JMJD1C: variants seen among roughly 807,000 people sequenced by gnomAD.
The protein encoded by JMJD1C is jumonji domain-containing protein 1C.
A neutral mutation model predicts 245.3 loss-of-function variants in JMJD1C; 31 were observed. That is an observed-to-expected ratio of 0.13 (90% confidence interval 0.09 to 0.17). The LOEUF (loss-of-function observed/expected upper bound fraction) is 0.17, where lower values mean the gene tolerates loss of function less well. JMJD1C is among the 10% of genes least tolerant of loss of function. JMJD1C has a pLI of 1.00. For missense variants in JMJD1C, 2,691 were observed against 3,000.2 expected (o/e 0.90, Z 2.41); for synonymous variants, 1,057 against 1,017.4 (o/e 1.04, Z -0.74).
intron 2 of JMJD1C, among the ~76,000 whole-genome samples, chr10:63,265,107 G>A (rs529292830): frequency 6.6e-6 from 1 of 151,148 alleles, no homozygotes; most frequent in Admixed American, 6.6e-5. Flanking sequence ...GGGTTGTAGA[G>A]CTATTTACCC....
In JMJD1C at chr10:63,176,366, T is replaced by A; in HGVS notation, c.7332A>T (p.Gly2444=). ...ACTGAATAAGAGTACAGGTTCTGAC[T>A]CCATATTCTTCAAGCAGCCTTTGAC... ...KLRQRLLEEY[G]VRTCTLIQFL... The change falls in exon 24 of 26, where the codon GGA becomes GGT. Residue 2444 remains glycine (G), a synonymous_variant. Coordinates refer to ENST00000399262, the MANE Select transcript of JMJD1C (RefSeq NM_032776.3). 2 of 1,614,026 alleles carry A rather than the reference T, an allele frequency of 1.2e-6. No homozygotes were observed. The highest frequency in any genetic ancestry group is 1.7e-6 in the Non-Finnish European group (2 of 1,179,922).
At chr10:63,315,861 G>GA (rs1052826982) in intron 2 of JMJD1C, among the ~76,000 whole-genome samples, 92 of 131,752 alleles carry the variant, frequency 7.0e-4, no homozygotes, top group Middle Eastern at 8.9e-3. Context: ...AAAACACCAC[G>GA]AAAAAAAAAA....
chr10:63,384,832 C>G (rs183660652), intron 1 of JMJD1C, among the ~76,000 whole-genome samples: 5 of 152,264 alleles, frequency 3.3e-5, no homozygotes, highest in Non-Finnish European at 5.9e-5. Context: ...TCTTATCATC[C>G]CTGTGTTTAC....
At chr10:63,335,835 C>T (rs1255555418) in intron 2 of JMJD1C, among the ~76,000 whole-genome samples, 3 of 151,486 alleles carry the variant, frequency 2.0e-5, no homozygotes, top group African/African-American at 7.3e-5. Context: ...AAAAAAAACA[C>T]TTTGGCTGGG....
At chr10:63,371,374 A>T (rs1430184286) in intron 2 of JMJD1C, among the ~76,000 whole-genome samples, 1 of 152,228 alleles carries the variant, frequency 6.6e-6, no homozygotes, top group Non-Finnish European at 1.5e-5. Context: ...ATGTACAATT[A>T]TCACTTTTAA....
intron 10 of JMJD1C, among the ~76,000 whole-genome samples, chr10:63,201,012 A>G (rs1019844321): frequency 2.0e-5 from 3 of 152,230 alleles, no homozygotes; most frequent in African/African-American, 7.2e-5. Context: ...GTGTATATCA[A>G]TAACTGAAAA....
In JMJD1C at chr10:63,198,558, A is replaced by G. The variant is rs1241280271; in HGVS notation, c.5446T>C (p.Leu1816=). 1 of 1,610,304 alleles carries G rather than the reference A, an allele frequency of 6.2e-7. No homozygotes were observed. The highest frequency in any genetic ancestry group is 8.5e-7 in the Non-Finnish European group (1 of 1,177,662). ...AAAGCTGTTTTTTCAGATGTTACTA[A>G]TTGACAGAACTTATCACCTATTATA... ...LDIIGDKFCQ[L]VTSEKTALSW... is the part of the protein sequence containing the mutation. The change falls in exon 12 of 26, where the codon TTA becomes CTA. Residue 1816 remains leucine (L), a synonymous_variant. Coordinates refer to ENST00000399262, the MANE Select transcript of JMJD1C (RefSeq NM_032776.3).
intron 2 of JMJD1C, among the ~76,000 whole-genome samples, chr10:63,275,049 A>T (rs975455472): frequency 5.3e-5 from 8 of 152,222 alleles, no homozygotes; most frequent in South Asian, 2.1e-4. Flanking sequence ...AGGTATTTTT[A>T]AAAAAGAAAT....
chr10:63,470,695 T>C (rs1320795010), upstream of JMJD1C, among the ~76,000 whole-genome samples: 1 of 152,120 alleles, frequency 6.6e-6, no homozygotes, highest in African/African-American at 2.4e-5. Flanking sequence ...AAACATAACT[T>C]TCTGACTATC....
At chr10:63,494,516 TA>T (rs913111744) in intron 1 of JMJD1C, among the ~76,000 whole-genome samples, 48 of 151,832 alleles carry the variant, frequency 3.2e-4, no homozygotes, top group South Asian at 2.1e-4. Flanking sequence ...AATAAATAAG[TA>T]AAAAAAATAT....
chr10:63,519,004 G>T (rs72837076), intron 1 of JMJD1C, among the ~76,000 whole-genome samples: 30,807 of 152,112 alleles, frequency 0.2, 4,090 homozygotes, highest in Non-Finnish European at 0.3. Flanking sequence ...ACTTTCCATG[G>T]TACCAAAAGG....
chr10:63,411,928 T>TA (rs1264458594), intron 1 of JMJD1C, among the ~76,000 whole-genome samples: 2 of 129,032 alleles, frequency 1.6e-5, no homozygotes, highest in Admixed American at 7.7e-5. Flanking sequence ...TTTTTTTTTT[T>TA]AAATAGAGAC....
At chr10:63,387,402 A>C (rs1460843633) in intron 1 of JMJD1C, among the ~76,000 whole-genome samples, 3 of 152,084 alleles carry the variant, frequency 2.0e-5, no homozygotes, top group African/African-American at 7.2e-5. Context: ...ACACTGAGAC[A>C]CAAAGAAAAT....
chr10:63,422,492 T>C (rs764963376), intron 1 of JMJD1C, among the ~76,000 whole-genome samples: 17 of 152,232 alleles, frequency 1.1e-4, no homozygotes, highest in Non-Finnish European at 1.8e-4. Context: ...TTCACACTTC[T>C]GCTTACAAGA....
At chr10:63,204,456 T>A (rs1846369264) in intron 10 of JMJD1C, 4 of 985,236 alleles carry the variant, frequency 4.1e-6, no homozygotes, top group Non-Finnish European at 4.8e-6. Context: ...TTCACAAGAG[T>A]TTTCTAGGCA....
intron 1 of JMJD1C, among the ~76,000 whole-genome samples, chr10:63,514,398 G>T (rs2133294414): frequency 6.6e-6 from 1 of 152,234 alleles, no homozygotes; most frequent in East Asian, 1.9e-4. Context: ...AACAGGATTG[G>T]ATAAAGAAAA....
intron 22 of JMJD1C, among the ~76,000 whole-genome samples, chr10:63,181,432 T>C (rs1843462837): frequency 6.6e-6 from 1 of 152,206 alleles, no homozygotes; most frequent in African/African-American, 2.4e-5. Context: ...TGAGTTACAA[T>C]TGAAAGAATG....
chr10:63,335,327 C>T (rs1262057888), intron 2 of JMJD1C, among the ~76,000 whole-genome samples: 1 of 151,900 alleles, frequency 6.6e-6, no homozygotes, highest in South Asian at 2.1e-4. Context: ...GGCATGGGGG[C>T]AAAGCAATGC....
At chr10:63,204,299 GA>G (rs1846353218) in intron 10 of JMJD1C, 1 of 985,238 alleles carries the variant, frequency 1.0e-6, no homozygotes, top group African/African-American at 1.7e-5. Flanking sequence ...CCAAGCAGGG[GA>G]GATTTGACTA....
Sources: allele counts gnomAD v4.1 joint callset (sites outside exome capture counted in the v4.1 genomes callset), GRCh38; gene constraint gnomAD v4.1.1; transcripts MANE v1.5; gene names NCBI Gene and HGNC (gene_info 2026-07-23, HGNC 2026-07-21).